The following UBR3 variants were observed in gnomAD, a reference collection of about 807,000 sequenced individuals.
UBR3 encodes ubiquitin protein ligase E3 component n-recognin 3.
UBR3 carries 85 observed loss-of-function variants against 243.2 expected under a neutral mutation model. The ratio of observed to expected loss-of-function variants is 0.35; its 90% CI spans 0.29 to 0.42. UBR3 has a LOEUF of 0.42. Among genes scored for constraint, UBR3 ranks in the 10% least tolerant of loss-of-function variants. UBR3 has a pLI of 1.00. For synonymous variants in UBR3, 748 were observed against 799.8 expected, an observed-to-expected ratio of 0.94 and a Z score of 1.09; for missense variants, 1,686 against 2,300.8, an observed-to-expected ratio of 0.73 and a Z score of 5.47.
chr2:169,942,490 C>A lies in UBR3; in HGVS notation c.2664-3C>A. 1 of 1,532,342 alleles carries A rather than the reference C, an allele frequency of 6.5e-7. No individual in the cohort carries two copies. The highest frequency in any genetic ancestry group is 8.8e-7 in the Non-Finnish European group (1 of 1,142,220). 94.9% of individuals were successfully genotyped at this position (1,532,342 alleles called of 1,614,324 possible). On this transcript the variant is annotated splice_region_variant and splice_polypyrimidine_tract_variant and intron_variant, in intron 19 of 38. Transcript: ENST00000272793. ...TAATTCTAGTTTTGTTTTATTTTTA[C>A]AGTTTAAAACAGAGTGGAAAATTTC...
At chr2:169,906,964 G>A (rs2085033901) in intron 10 of UBR3, among the ~76,000 whole-genome samples, 1 of 148,192 alleles carries the variant, frequency 6.7e-6, no homozygotes, top group South Asian at 2.1e-4. Context: ...ACTTTCTTTT[G>A]TTAGTTCAGC....
intron 1 of UBR3, among the ~76,000 whole-genome samples, chr2:169,844,853 T>G (rs998361499): frequency 3.3e-5 from 5 of 152,136 alleles, no homozygotes; most frequent in South Asian, 2.1e-4. Context: ...TTACTGATTT[T>G]TTGTTGTTGT....
At chr2:169,956,401 G>A (rs569288669) in intron 23 of UBR3, among the ~76,000 whole-genome samples, 6 of 151,202 alleles carry the variant, frequency 4.0e-5, no homozygotes, top group African/African-American at 9.7e-5. Flanking sequence ...CCAGGTTGTC[G>A]AGTCCTGACA....
chr2:169,907,001 G>C (rs1454577561), intron 10 of UBR3, among the ~76,000 whole-genome samples: 3 of 149,146 alleles, frequency 2.0e-5, no homozygotes, highest in Non-Finnish European at 4.4e-5. Context: ...ATGACTTACA[G>C]CCTTGTTACA....
intron 23 of UBR3, among the ~76,000 whole-genome samples, chr2:169,956,203 A>ACTCTCTCTCT (rs34139919): frequency 1.4e-5 from 2 of 145,888 alleles, no homozygotes; most frequent in Non-Finnish European, 3.0e-5. Flanking sequence ...GACACCTATA[A>ACTCTCTCTCT]CTCTCTCTCT....
At chr2:169,977,598 G>T (rs753146516) in intron 24 of UBR3, among the ~76,000 whole-genome samples, 1 of 152,180 alleles carries the variant, frequency 6.6e-6, no homozygotes, top group Non-Finnish European at 1.5e-5. Context: ...TGCTCTGGGA[G>T]GGAGAGAGAG....
chr2:169,834,777 G>A (rs1156450282), intron 1 of UBR3, among the ~76,000 whole-genome samples: 5 of 152,186 alleles, frequency 3.3e-5, no homozygotes, highest in African/African-American at 1.2e-4. Flanking sequence ...TCCATCAGCA[G>A]ATGAATGGGT....
chr2:170,051,338 T>C (rs965644872), intron 32 of UBR3, among the ~76,000 whole-genome samples: 4 of 152,096 alleles, frequency 2.6e-5, no homozygotes, highest in African/African-American at 9.7e-5. Context: ...TTCTATTTTA[T>C]TTATTTTATT....
chr2:170,072,316 A>G (rs938603269), intron 35 of UBR3, among the ~76,000 whole-genome samples: 16 of 152,158 alleles, frequency 1.1e-4, no homozygotes, highest in African/African-American at 3.6e-4. Context: ...GTAAACTATC[A>G]CAAGAACAAA....
chr2:169,883,211 T>A lies in UBR3; in HGVS notation c.1038+4637T>A, dbSNP rs114223240. ...CCATAGTCATCTGAGGGCTTCACACTGAGACGGAGATCTAAGATGGCTCAC... is the reference window on the plus strand; with the variant it reads ...CCATAGTCATCTGAGGGCTTCACACAGAGACGGAGATCTAAGATGGCTCAC... On this transcript the variant is annotated intron_variant, in intron 5 of 38. Coordinates refer to ENST00000272793, the MANE Select transcript of UBR3 (RefSeq NM_172070.4). 7.7e-3 allele frequency among the ~76,000 whole-genome samples: 1,179 copies of A among 152,336 alleles called. 13 individuals carry two copies. Among genetic ancestry groups the A allele is most frequent in the African/African-American group, 0.026 (1,067 of 41,590 alleles).
rs996162358 is a variant in UBR3 at position 169,947,678 on chromosome 2, C to A, written c.3047C>A (p.Pro1016His). The change falls in exon 22 of 39, where the codon CCT becomes CAT. Residue 1016 changes from proline to histidine, a missense_variant. Physicochemically the swap from Pro to His is moderately conservative, Grantham distance 77. Coordinates refer to ENST00000272793, the MANE Select transcript of UBR3 (RefSeq NM_172070.4). ...GCTCCTGAAGTAAAGAGAGACTCACCTGCAAGTACTAGCTCTGATAACTTG... is the reference window on the plus strand; with the variant it reads ...GCTCCTGAAGTAAAGAGAGACTCACATGCAAGTACTAGCTCTGATAACTTG... ...ETAPEVKRDS[P>H]ASTSSDNLGS... is the part of the protein sequence containing the mutation. 10 of 1,531,770 alleles carry A rather than the reference C, an allele frequency of 6.5e-6. No homozygotes were observed. Among genetic ancestry groups the A allele is most frequent in the Non-Finnish European group, 7.9e-6 (9 of 1,138,312 alleles). The allele number at this position is 1,531,770 out of a possible 1,614,324, so 94.9% of individuals were successfully genotyped here. A position where few individuals can be genotyped will look rare whatever the true frequency, so the allele number is the denominator to read the frequency against.
intron 6 of UBR3, among the ~76,000 whole-genome samples, 173 bp downstream of exon 6, chr2:169,891,404 A>C (rs1172970138): frequency 6.6e-6 from 1 of 152,088 alleles, no homozygotes. Flanking sequence ...AGCGATTACT[A>C]TTGGGTTTTG....
chr2:169,919,598 TAAAC>T (rs1370025603), intron 11 of UBR3, among the ~76,000 whole-genome samples: 2 of 152,106 alleles, frequency 1.3e-5, no homozygotes, highest in South Asian at 2.1e-4. Context: ...ACAATGAACT[TAAAC>T]AAACTTACAA....
chr2:169,926,624 A>C lies in UBR3; in HGVS notation c.2152-68A>C, dbSNP rs984816741. 3.1e-5 allele frequency: 44 copies of C among 1,438,080 alleles called. No homozygotes were observed. In the Admixed American group the frequency reaches 1.2e-3, roughly 38 times the overall value. The allele number at this position is 1,438,080 out of a possible 1,614,324, so 89.1% of individuals were successfully genotyped here. ...AAACAAAAAACAAAAAAAAGTATAG[A>C]AAAACATGATTAATAGAAGAAGGAA... On this transcript the variant is annotated intron_variant, in intron 14 of 38. Coordinates refer to ENST00000272793, the MANE Select transcript of UBR3 (RefSeq NM_172070.4).
chr2:169,866,833 A>T (rs577678167), intron 1 of UBR3, among the ~76,000 whole-genome samples: 1 of 152,334 alleles, frequency 6.6e-6, no homozygotes, highest in East Asian at 1.9e-4. Flanking sequence ...TGCCTTGAGG[A>T]CCAAGGAAAA....
At position 170,015,379 on chromosome 2, in the gene UBR3, T is replaced by G. The variant is rs1481750456; in HGVS notation, c.4453+13T>G. The G allele has an allele frequency of 6.3e-7, 1 of 1,584,598 alleles. No individual in the cohort carries two copies. The highest frequency in any genetic ancestry group is 1.2e-5 in the South Asian group (1 of 86,222). ...AGGTCTTGTTTAAGTAAGTACTAAA[T>G]ACTGCTAAATTTAAAAAAAATTCTG... is the stretch of plus-strand genomic sequence containing the variant. On this transcript the variant is annotated intron_variant, in intron 30 of 38. Transcript: ENST00000272793.
At position 170,083,301 on chromosome 2, in the gene UBR3, A is replaced by T. The variant is rs561507124; in HGVS notation, c.*1458A>T. On this transcript the variant is annotated 3_prime_UTR_variant, in exon 39 of 39. Transcript: ENST00000272793. The stretch of plus-strand genomic sequence containing the variant: ...GGAAAGCAGAGCAGTACATATTCAA[A>T]TGTATTCAGAAAGTCAAAAGATTAC... The T allele has an allele frequency of 6.6e-6, 1 of 152,616 alleles. No homozygotes were observed. The highest frequency in any genetic ancestry group is 6.5e-5 in the Admixed American group (1 of 15,282). 9.5% of individuals were successfully genotyped at this position (152,616 alleles called of 1,614,324 possible). A position where few individuals can be genotyped will look rare whatever the true frequency, so the allele number is the denominator to read the frequency against.
intron 7 of UBR3, 32 bp from the exon 8 acceptor site, chr2:169,896,475 G>T (rs75648708): frequency 1.4e-5 from 19 of 1,310,508 alleles, no homozygotes; most frequent in African/African-American, 1.3e-4. Flanking sequence ...TAAAACTAAT[G>T]TGTTTTTTCC....
intron 25 of UBR3, among the ~76,000 whole-genome samples, chr2:169,987,324 C>T: frequency 7.0e-6 from 1 of 142,908 alleles, no homozygotes; most frequent in Admixed American, 7.6e-5. Context: ...ACCTGGGAGG[C>T]AGAGGTTGCA....
Sources: gnomAD v4.1 joint callset for allele counts (sites outside exome capture counted in the v4.1 genomes callset) on GRCh38, gnomAD v4.1.1 for gene constraint, MANE v1.5 for transcripts, NCBI Gene and HGNC (gene_info 2026-07-23, HGNC 2026-07-21) for gene names.